Variants in MKLN1 observed in about 807,000 individuals in gnomAD.
The protein encoded by MKLN1 is muskelin.
In MKLN1, 18 loss-of-function variants were observed where a neutral mutation model predicts 99.0. The observed-to-expected ratio is 0.18, with a 90% confidence interval of 0.13 to 0.27. MKLN1 has a LOEUF of 0.27. MKLN1 is among the 10% of genes least tolerant of loss of function. The probability of loss-of-function intolerance (pLI) is 1.00; values close to 1 mark genes in which losing one functional copy is unlikely to be tolerated. For missense variants in MKLN1, 621 were observed against 875.9 expected, an observed-to-expected ratio of 0.71 and a Z score of 3.67; for synonymous variants, 288 against 293.2, an observed-to-expected ratio of 0.98 and a Z score of 0.18.
chr7:131,325,908 G>C (rs576493429), upstream of MKLN1, among the ~76,000 whole-genome samples: 9 of 147,782 alleles, frequency 6.1e-5, no homozygotes, highest in South Asian at 4.4e-4. Context: ...AGTGGGGGGG[G>C]GGTGGTGGTG....
intron 2 of MKLN1, among the ~76,000 whole-genome samples, chr7:131,172,079 T>A (rs981714688): frequency 3.3e-5 from 5 of 152,090 alleles, no homozygotes; most frequent in Non-Finnish European, 4.4e-5. Context: ...CTTCGAAGAG[T>A]TGATCTGGAG....
intron 3 of MKLN1, among the ~76,000 whole-genome samples, chr7:131,227,371 TTTTTCTTTC>T (rs1797163502): frequency 6.7e-6 from 1 of 149,864 alleles, no homozygotes; most frequent in Non-Finnish European, 1.5e-5. Flanking sequence ...TCTTTCTTTC[TTTTTCTTTC>T]TTTTTTTTCT....
chr7:131,406,008 T>C (rs1486306833), intron 6 of MKLN1, among the ~76,000 whole-genome samples: 1 of 152,106 alleles, frequency 6.6e-6, no homozygotes, highest in Admixed American at 6.5e-5. Flanking sequence ...AGAAAGATGT[T>C]AACACTTTCC....
intron 6 of MKLN1, among the ~76,000 whole-genome samples, chr7:131,400,989 G>C (rs1794527758): frequency 6.6e-6 from 1 of 152,032 alleles, no homozygotes; most frequent in South Asian, 2.1e-4. Context: ...CTTTGCTTCT[G>C]ATCTCATTGA....
At chr7:131,300,238 G>A (rs1261706568) in intron 3 of MKLN1, among the ~76,000 whole-genome samples, 1 of 151,858 alleles carries the variant, frequency 6.6e-6, no homozygotes, top group Non-Finnish European at 1.5e-5. Context: ...AGAAATAGGT[G>A]CAATAAGAAT....
At chr7:131,482,115 G>A (rs1480611902) in intron 17 of MKLN1, among the ~76,000 whole-genome samples, 5 of 152,136 alleles carry the variant, frequency 3.3e-5, no homozygotes, top group African/African-American at 1.2e-4. Context: ...GTATGAATTG[G>A]AGCAATTAAA....
At chr7:131,223,587 G>T (rs913636048) in intron 3 of MKLN1, among the ~76,000 whole-genome samples, 1 of 152,028 alleles carries the variant, frequency 6.6e-6, no homozygotes, top group East Asian at 1.9e-4. Flanking sequence ...TCAGCTTGCC[G>T]CTCTTAATTC....
rs1439397856 is a variant in MKLN1, at chr7:131,495,125, G to C, written c.*7397G>C. The C allele has an allele frequency of 6.6e-6, 1 of 152,052 alleles. No individual in the cohort carries two copies. The highest frequency in any genetic ancestry group is 1.5e-5 in the Non-Finnish European group (1 of 67,998). The allele number at this position is 152,052 out of a possible 1,614,324, so 9.4% of individuals were successfully genotyped here. ...ATATGGCATATTTCTAAACAGTTTG[G>C]GAAAGATGTTAGAATTTTTTAAAAG... On this transcript the variant is annotated 3_prime_UTR_variant, in exon 18 of 18. Transcript: ENST00000352689.
At chr7:131,172,124 T>G (rs1353564281) in intron 2 of MKLN1, among the ~76,000 whole-genome samples, 2 of 151,930 alleles carry the variant, frequency 1.3e-5, no homozygotes, top group Non-Finnish European at 2.9e-5. Context: ...TTTATTTATT[T>G]ATTTATTTTT....
At position 131,284,401 on chromosome 7, in the gene MKLN1, AAAGTT is replaced by A. The variant is rs748216436; in HGVS notation, c.-179+81432_-179+81436del. On this transcript the variant is annotated intron_variant, in intron 3 of 7. Transcript: ENST00000416992. ...CTACAGGTGGTTCTAAAACACAAAT[AAAGTT>A]AAGTCTGCTCCAAGTATGCATGTGT... is the stretch of plus-strand genomic sequence containing the variant. Among the ~76,000 whole-genome samples, 8 of 152,336 alleles carry A rather than the reference AAAGTT, an allele frequency of 5.3e-5. No individual in the cohort carries two copies. In the East Asian group the frequency reaches 9.6e-4, roughly 18 times the overall value.
chr7:131,386,004 G>A (rs1223303441), intron 2 of MKLN1, among the ~76,000 whole-genome samples: 1 of 149,204 alleles, frequency 6.7e-6, no homozygotes, highest in African/African-American at 2.4e-5. Context: ...CTTACATTTA[G>A]GTCTTCAGTC....
At chr7:131,224,866 A>G (rs11974401) in intron 3 of MKLN1, among the ~76,000 whole-genome samples, 44,508 of 151,630 alleles carry the variant, frequency 0.29, 7,857 homozygotes, top group Non-Finnish European at 0.4. Context: ...GAGGTCAGGA[A>G]ATCGAGACCA....
intron 17 of MKLN1, among the ~76,000 whole-genome samples, chr7:131,483,802 C>T (rs1000935817): frequency 3.3e-5 from 5 of 152,198 alleles, no homozygotes; most frequent in African/African-American, 4.8e-5. Flanking sequence ...CAGCTGGGGA[C>T]GTGTGCATAT....
At chr7:131,144,506 T>C (rs1484111527) in intron 2 of MKLN1, among the ~76,000 whole-genome samples, 1 of 151,878 alleles carries the variant, frequency 6.6e-6, no homozygotes, top group Non-Finnish European at 1.5e-5. Context: ...AGTTTTTCTT[T>C]TTAATTTTTA....
intron 3 of MKLN1, among the ~76,000 whole-genome samples, chr7:131,256,243 A>T (rs1292678658): frequency 6.6e-6 from 1 of 152,154 alleles, no homozygotes; most frequent in Non-Finnish European, 1.5e-5. Context: ...CATCTTTCAC[A>T]ACCACAGGTG....
chr7:131,153,660 T>TG (rs1367662557), intron 2 of MKLN1, among the ~76,000 whole-genome samples: 1 of 61,358 alleles, frequency 1.6e-5, no homozygotes, highest in South Asian at 9.1e-4. Context: ...GTAGGTTTTT[T>TG]TTGGTTTTTT....
At chr7:131,247,824 C>A (rs560776644) in intron 3 of MKLN1, among the ~76,000 whole-genome samples, 1 of 152,236 alleles carries the variant, frequency 6.6e-6, no homozygotes, top group African/African-American at 2.4e-5. Context: ...TTGTACATTT[C>A]CCCCATTTAT....
At chr7:131,318,186 C>T (rs1446231748) in intron 3 of MKLN1, among the ~76,000 whole-genome samples, 1 of 152,142 alleles carries the variant, frequency 6.6e-6, no homozygotes. Context: ...GGCAGTTATT[C>T]TAAAATTGAC....
intron 3 of MKLN1, among the ~76,000 whole-genome samples, chr7:131,255,152 A>G (rs1031701295): frequency 6.6e-6 from 1 of 152,078 alleles, no homozygotes; most frequent in Non-Finnish European, 1.5e-5. Context: ...TATGTTTCCC[A>G]GGTGGTCTCA....
Sources: gnomAD v4.1 joint callset for allele counts (sites outside exome capture counted in the v4.1 genomes callset) on GRCh38, gnomAD v4.1.1 for gene constraint, MANE v1.5 for transcripts, NCBI Gene and HGNC (gene_info 2026-07-23, HGNC 2026-07-21) for gene names.